MAOB: variants seen among roughly 807,000 people sequenced by gnomAD.
MAOB encodes monoamine oxidase B, also known as amine oxidase [flavin-containing] B.
MAOB carries 15 observed loss-of-function variants against 41.9 expected under a neutral mutation model. The ratio of observed to expected loss-of-function variants is 0.36; its 90% CI spans 0.24 to 0.55. The LOEUF (loss-of-function observed/expected upper bound fraction) is 0.55. MAOB is among the 20% of genes least tolerant of loss of function. The probability of loss-of-function intolerance (pLI) is 0.86; values close to 1 mark genes in which losing one functional copy is unlikely to be tolerated. For synonymous variants in MAOB, 167 were observed against 144.2 expected, an observed-to-expected ratio of 1.16 and a Z score of -1.13; for missense variants, 345 against 398.7, an observed-to-expected ratio of 0.87 and a Z score of 1.15.
intron 10 of MAOB, 147 bp downstream of exon 10, chrX:43,780,195 T>C (rs2034311366): frequency 6.4e-6 from 3 of 468,018 alleles, no homozygotes; most frequent in Admixed American, 3.7e-5. Context: ...ACACATATAA[T>C]TAGGCAGTCC....
intron 1 of MAOB, among the ~76,000 whole-genome samples, chrX:43,846,515 G>A (rs1569228608): frequency 1.8e-5 from 2 of 111,648 alleles, no homozygotes; most frequent in Non-Finnish European, 3.8e-5. Context: ...GTTCATAGGG[G>A]GTAGTCAAGA....
chrX:43,871,228 G>A (rs762991268), intron 1 of MAOB, among the ~76,000 whole-genome samples: 4 of 111,561 alleles, frequency 3.6e-5, no homozygotes, highest in East Asian at 2.8e-4. Context: ...GAGGGACTTG[G>A]CTGTGAGCCA....
chrX:43,782,924 T>G (rs1194834883), intron 8 of MAOB, among the ~76,000 whole-genome samples: 1 of 111,655 alleles, frequency 9.0e-6, no homozygotes, highest in Non-Finnish European at 1.9e-5. Flanking sequence ...AGAAAAGGCC[T>G]TCGATAAAAC....
At chrX:43,780,931 A>C (rs1019232104) in intron 9 of MAOB, among the ~76,000 whole-genome samples, 1 of 111,329 alleles carries the variant, frequency 9.0e-6, no homozygotes, top group African/African-American at 3.3e-5. Flanking sequence ...GCCCATCTTA[A>C]TTTTGGATAC....
At chrX:43,789,970 C>T (rs3027449) in intron 8 of MAOB, among the ~76,000 whole-genome samples, 15,810 of 111,249 alleles carry the variant, frequency 0.14, 891 homozygotes, top group South Asian at 0.23. Flanking sequence ...CAAGAGTTGG[C>T]TACCACTGTC....
chrX:43,815,355 G>T (rs1412272234), intron 3 of MAOB, among the ~76,000 whole-genome samples: 1 of 111,605 alleles, frequency 9.0e-6, no homozygotes, highest in African/African-American at 3.3e-5. Context: ...CCAACATATT[G>T]CTCAACATGC....
intron 3 of MAOB, among the ~76,000 whole-genome samples, chrX:43,820,479 G>T (rs2034867891): frequency 8.9e-6 from 1 of 112,299 alleles, no homozygotes; most frequent in Non-Finnish European, 1.9e-5. Context: ...TTGTACAGCA[G>T]CAAAGAAATA....
intron 12 of MAOB, among the ~76,000 whole-genome samples, chrX:43,773,028 G>A (rs2034205189): frequency 8.9e-6 from 1 of 112,021 alleles, no homozygotes; most frequent in South Asian, 3.7e-4. Context: ...CCAGACTCAG[G>A]TATTTATTTT....
intron 1 of MAOB, 51 bp from the exon 2 acceptor site, chrX:43,843,815 A>G: frequency 8.4e-7 from 1 of 1,195,001 alleles, no homozygotes; most frequent in Non-Finnish European, 1.1e-6. Flanking sequence ...GATGCCAGAC[A>G]AGCTCCTCAT....
intron 8 of MAOB, among the ~76,000 whole-genome samples, chrX:43,786,981 G>C (rs2034408357): frequency 9.0e-6 from 1 of 111,297 alleles, no homozygotes; most frequent in Non-Finnish European, 1.9e-5. Context: ...GCTTTGTAGG[G>C]CTTTACTCTT....
chrX:43,783,169 G>T (rs1365912880), intron 8 of MAOB, among the ~76,000 whole-genome samples: 1 of 111,975 alleles, frequency 8.9e-6, no homozygotes, highest in African/African-American at 3.2e-5. Context: ...AAGAAATAAA[G>T]GATATTCAAA....
intron 1 of MAOB, 108 bp from the exon 2 acceptor site, chrX:43,843,872 T>C: frequency 1.9e-6 from 2 of 1,068,005 alleles, no homozygotes; most frequent in Non-Finnish European, 2.4e-6. Context: ...GTGCACCGCC[T>C]ATTGTTACAT....
At chrX:43,816,309 A>G (rs190195081) in intron 3 of MAOB, among the ~76,000 whole-genome samples, 2 of 111,724 alleles carry the variant, frequency 1.8e-5, no homozygotes, top group African/African-American at 6.5e-5. Context: ...TCAGCTGTTC[A>G]TTTATGTTTT....
At chrX:43,779,268 A>G (rs1413227647) in intron 10 of MAOB, among the ~76,000 whole-genome samples, 1 of 112,243 alleles carries the variant, frequency 8.9e-6, no homozygotes, top group African/African-American at 3.2e-5. Flanking sequence ...CAGGGAAAAG[A>G]CAGTTTTCAA....
At chrX:43,821,256 C>T (rs1197420041) in intron 3 of MAOB, among the ~76,000 whole-genome samples, 5 of 111,119 alleles carry the variant, frequency 4.5e-5, no homozygotes, top group Non-Finnish European at 9.4e-5. Context: ...TTTACCAGCA[C>T]AAAAATCCAT....
At chrX:43,870,846 A>C in intron 1 of MAOB, among the ~76,000 whole-genome samples, 1 of 107,920 alleles carries the variant, frequency 9.3e-6, no homozygotes, top group Non-Finnish European at 1.9e-5. Context: ...AGAAAAGAAC[A>C]TGGGAAAGGT....
chrX:43,846,823 T>C (rs1476065247), intron 1 of MAOB, among the ~76,000 whole-genome samples: 1 of 111,907 alleles, frequency 8.9e-6, no homozygotes, highest in Non-Finnish European at 1.9e-5. Context: ...CTTTTCTATG[T>C]TGGTTGTTTG....
intron 11 of MAOB, 23 bp downstream of exon 11, chrX:43,778,659 A>G (rs1166467862): frequency 2.5e-6 from 3 of 1,181,726 alleles, no homozygotes; most frequent in African/African-American, 1.8e-5. Context: ...CACCCTTAGT[A>G]TAGGGTTGGG....
At chrX:43,825,233 T>G (rs2034931500) in intron 3 of MAOB, among the ~76,000 whole-genome samples, 1 of 110,421 alleles carries the variant, frequency 9.1e-6, no homozygotes, top group South Asian at 3.9e-4. Flanking sequence ...AGAACCACTG[T>G]TTCCCTCCCC....
Sources: allele counts gnomAD v4.1 joint callset (sites outside exome capture counted in the v4.1 genomes callset), GRCh38; gene constraint gnomAD v4.1.1; transcripts MANE v1.5; gene names NCBI Gene and HGNC (gene_info 2026-07-23, HGNC 2026-07-21).